ADAMTS12: variants seen among roughly 807,000 people sequenced by gnomAD.
ADAMTS12 encodes ADAM metallopeptidase with thrombospondin type 1 motif 12.
Under a neutral mutation model 167.8 loss-of-function variants are expected in ADAMTS12, and 118 were observed. The observed-to-expected ratio is 0.70, with a 90% CI of 0.61 to 0.82. The LOEUF (loss-of-function observed/expected upper bound fraction) is 0.82. Ranked by LOEUF, ADAMTS12 falls within the 40% of genes least tolerant of loss-of-function variation. The probability of loss-of-function intolerance (pLI) is 0.00; values close to 1 mark genes in which losing one functional copy is unlikely to be tolerated. For synonymous variants in ADAMTS12, 704 were observed against 716.9 expected (o/e 0.98, Z 0.29); for missense variants, 1,916 against 1,998.8 (o/e 0.96, Z 0.79).
chr5:33,582,288 G>T (rs183108363), intron 18 of ADAMTS12, among the ~76,000 whole-genome samples: 98 of 152,290 alleles, frequency 6.4e-4, no homozygotes, highest in African/African-American at 2.1e-3. Flanking sequence ...ACTGATGCCT[G>T]GGAAGAACTG....
intron 18 of ADAMTS12, among the ~76,000 whole-genome samples, chr5:33,583,094 AT>A (rs60789233): frequency 0.89 from 134,109 of 151,344 alleles, 59,516 homozygotes; most frequent in East Asian, 0.95. Flanking sequence ...CATTCTTTCT[AT>A]TTTTTTTTTG....
In ADAMTS12 at chr5:33,539,939, G is replaced by A. The variant is rs551288267; in HGVS notation, c.4447-4947C>T. 3.9e-5 allele frequency among the ~76,000 whole-genome samples: 6 copies of A among 152,264 alleles called. 1 individual carries two copies. The South Asian group carries it at 1.2e-3, about 32-fold the overall frequency. On this transcript the variant is annotated intron_variant, in intron 22 of 23. Transcript: ENST00000504830. ...TGAGGTACCTGGTTCATCTCACTGG[G>A]ACTGGTTGGACAGTGGGTGCAGCTG...
At chr5:33,871,478 T>C (rs562355386) in intron 2 of ADAMTS12, among the ~76,000 whole-genome samples, 7 of 152,254 alleles carry the variant, frequency 4.6e-5, no homozygotes, top group Admixed American at 1.3e-4. Flanking sequence ...AAATAGTATT[T>C]AGTGATATAT....
At chr5:33,781,841 C>G (rs551566113) in intron 2 of ADAMTS12, among the ~76,000 whole-genome samples, 102 of 148,974 alleles carry the variant, frequency 6.8e-4, no homozygotes, top group Non-Finnish European at 1.1e-3. Flanking sequence ...TGCTATCCCT[C>G]CCCCCCGACC....
At chr5:33,606,863 A>T (rs550867129) in intron 16 of ADAMTS12, among the ~76,000 whole-genome samples, 4 of 152,236 alleles carry the variant, frequency 2.6e-5, no homozygotes, top group African/African-American at 9.6e-5. Context: ...CCTAAGTGAA[A>T]TATTAGCAAA....
chr5:33,703,639 C>T (rs1743082841), intron 3 of ADAMTS12, among the ~76,000 whole-genome samples: 1 of 152,196 alleles, frequency 6.6e-6, no homozygotes, highest in Admixed American at 6.5e-5. Flanking sequence ...TAAACAAGAT[C>T]ATATGGCATT....
chr5:33,790,502 G>A (rs915689920), intron 2 of ADAMTS12, among the ~76,000 whole-genome samples: 8 of 148,926 alleles, frequency 5.4e-5, no homozygotes, highest in Admixed American at 3.4e-4. Flanking sequence ...GCAGACAGCC[G>A]AGATCGTGCC....
intron 2 of ADAMTS12, among the ~76,000 whole-genome samples, chr5:33,835,907 ATC>A (rs60393220): frequency 0.03 from 3,368 of 111,754 alleles, 83 homozygotes; most frequent in African/African-American, 0.076. Context: ...GATAATATCC[ATC>A]TCTCTCTCTC....
At chr5:33,785,706 T>G (rs978405749) in intron 2 of ADAMTS12, among the ~76,000 whole-genome samples, 1 of 152,198 alleles carries the variant, frequency 6.6e-6, no homozygotes, top group Non-Finnish European at 1.5e-5. Flanking sequence ...AACCCTTGTA[T>G]GTTGCTGTTG....
At chr5:33,591,096 G>GTA (rs1747615781) in intron 17 of ADAMTS12, among the ~76,000 whole-genome samples, 1 of 131,238 alleles carries the variant, frequency 7.6e-6, no homozygotes, top group East Asian at 2.7e-4. Context: ...GTGTGTGTGT[G>GTA]TGTGTGTGTA....
At chr5:33,588,922 G>A in intron 17 of ADAMTS12, 113 bp from the exon 18 acceptor site, 1 of 1,286,998 alleles carries the variant, frequency 7.8e-7, no homozygotes, top group Non-Finnish European at 1.1e-6. Context: ...AAGGGCCATG[G>A]AGACACTCCA....
At chr5:33,633,448 T>C (rs1740051642) in intron 12 of ADAMTS12, among the ~76,000 whole-genome samples, 2 of 151,240 alleles carry the variant, frequency 1.3e-5, no homozygotes, top group Non-Finnish European at 2.9e-5. Context: ...GGAAATAACA[T>C]TTATAATAAC....
intron 2 of ADAMTS12, among the ~76,000 whole-genome samples, chr5:33,773,431 T>C (rs557666403): frequency 6.6e-6 from 1 of 152,330 alleles, no homozygotes; most frequent in South Asian, 2.1e-4. Flanking sequence ...AATGAAACCC[T>C]GCTGCCAGTC....
At chr5:33,863,454 G>A (rs1416794333) in intron 2 of ADAMTS12, among the ~76,000 whole-genome samples, 3 of 152,124 alleles carry the variant, frequency 2.0e-5, no homozygotes, top group Admixed American at 2.0e-4. Context: ...TTGCTACAAA[G>A]AGAATAAAAT....
At chr5:33,552,237 C>T (rs1205149298) in intron 20 of ADAMTS12, among the ~76,000 whole-genome samples, 1 of 152,220 alleles carries the variant, frequency 6.6e-6, no homozygotes. Context: ...GGCTGAACTT[C>T]TACAGAGTAT....
intron 19 of ADAMTS12, among the ~76,000 whole-genome samples, chr5:33,571,416 CA>C (rs1746338446): frequency 6.6e-6 from 1 of 152,108 alleles, no homozygotes; most frequent in Non-Finnish European, 1.5e-5. Flanking sequence ...ACAGTGCAAT[CA>C]AACTAGAACT....
At chr5:33,871,054 G>A (rs1443478730) in intron 2 of ADAMTS12, among the ~76,000 whole-genome samples, 4 of 152,044 alleles carry the variant, frequency 2.6e-5, no homozygotes, top group Non-Finnish European at 5.9e-5. Context: ...AAAAAGATAT[G>A]AGAACAATGA....
chr5:33,846,842 T>C (rs913911990), intron 2 of ADAMTS12, among the ~76,000 whole-genome samples: 3 of 152,202 alleles, frequency 2.0e-5, no homozygotes, highest in African/African-American at 7.2e-5. Context: ...CCTAAAAAGA[T>C]AAAATAAAAT....
intron 2 of ADAMTS12, among the ~76,000 whole-genome samples, chr5:33,846,796 T>C (rs1021979598): frequency 3.3e-5 from 5 of 152,216 alleles, no homozygotes; most frequent in Admixed American, 1.3e-4. Flanking sequence ...CCCCGGAGGT[T>C]TGAAGGCTTT....
Sources: gnomAD v4.1 joint callset for allele counts (sites outside exome capture counted in the v4.1 genomes callset) on GRCh38, gnomAD v4.1.1 for gene constraint, MANE v1.5 for transcripts, NCBI Gene and HGNC (gene_info 2026-07-23, HGNC 2026-07-21) for gene names.